Variants in PPEF1 observed in about 807,000 individuals in gnomAD.
PPEF1 encodes serine/threonine-protein phosphatase with EF-hands 1.
In PPEF1, 12 loss-of-function variants were observed where a neutral mutation model predicts 53.3. The observed-to-expected ratio is 0.23, with a 90% CI of 0.14 to 0.36. The LOEUF is 0.36. PPEF1 is among the 10% of genes least tolerant of loss of function. PPEF1 has a pLI of 1.00. For missense variants in PPEF1, 334 were observed against 490.4 expected (o/e 0.68, Z 3.01); for synonymous variants, 165 against 176.7 (o/e 0.93, Z 0.52).
intron 4 of PPEF1, among the ~76,000 whole-genome samples, chrX:18,750,677 C>T (rs1239906859): frequency 9.0e-6 from 1 of 111,490 alleles, no homozygotes; most frequent in Admixed American, 9.6e-5. Flanking sequence ...AAGAATATTT[C>T]ACTGGGTCAT....
At chrX:18,687,089 G>A (rs144689313) in intron 3 of PPEF1, among the ~76,000 whole-genome samples, 1 of 111,449 alleles carries the variant, frequency 9.0e-6, no homozygotes, top group Admixed American at 9.6e-5. Context: ...GGACAAAAGA[G>A]AAGAGGCTTA....
At chrX:18,685,642 G>A (rs1290934407) in intron 2 of PPEF1, among the ~76,000 whole-genome samples, 1 of 94,274 alleles carries the variant, frequency 1.1e-5, no homozygotes, top group East Asian at 3.2e-4. Context: ...CCGAGATCTC[G>A]CCACTGCACT....
At chrX:18,719,200 A>C (rs1371572066) in intron 1 of PPEF1, among the ~76,000 whole-genome samples, 4 of 111,797 alleles carry the variant, frequency 3.6e-5, no homozygotes, top group African/African-American at 1.3e-4. Context: ...AAAACATAAT[A>C]TGGTAGGAAG....
intron 8 of PPEF1, 100 bp downstream of exon 8, chrX:18,782,502 G>A (rs1719667865): frequency 1.5e-6 from 1 of 648,808 alleles, no homozygotes; most frequent in South Asian, 3.0e-5. Flanking sequence ...CTTTAGGAAA[G>A]GTAATAGGCC....
upstream of PPEF1, among the ~76,000 whole-genome samples, chrX:18,679,153 A>G (rs1928784288): frequency 8.9e-6 from 1 of 112,217 alleles, no homozygotes; most frequent in Admixed American, 9.4e-5. Flanking sequence ...AGCTCACTGC[A>G]ACCTCCACCT....
chrX:18,777,316 T>C (rs955286971), intron 6 of PPEF1, among the ~76,000 whole-genome samples: 8 of 112,456 alleles, frequency 7.1e-5, no homozygotes, highest in African/African-American at 2.3e-4. Flanking sequence ...TTTTCAATTA[T>C]TTCTATTATA....
rs186071789 is a variant in PPEF1 at position 18,677,265 on chromosome X, C to A, written c.-587+1135C>A. Among the ~76,000 whole-genome samples, 442 of 111,836 alleles carry A rather than the reference C, an allele frequency of 4.0e-3. 1 individual carries two copies. The highest frequency in any genetic ancestry group is 6.9e-3 in the Non-Finnish European group (365 of 53,163). Reference sequence around the variant, plus strand: ...TGTTGGCCAGGTTGATCTCAAACTCCTGGCCTCAAGTGATCCGCCCACCTC... The same window carrying A: ...TGTTGGCCAGGTTGATCTCAAACTCATGGCCTCAAGTGATCCGCCCACCTC... On this transcript the variant is annotated intron_variant, in intron 1 of 20. Transcript: ENST00000689646.
At chrX:18,820,318 C>T (rs182730275) in intron 13 of PPEF1, among the ~76,000 whole-genome samples, 62 of 110,405 alleles carry the variant, frequency 5.6e-4, no homozygotes, top group Non-Finnish European at 9.1e-4. Context: ...AAATCTACCA[C>T]GATAGAGGGA....
intron 6 of PPEF1, among the ~76,000 whole-genome samples, chrX:18,777,028 T>G (rs2045980700): frequency 8.9e-6 from 1 of 112,891 alleles, no homozygotes; most frequent in Non-Finnish European, 1.9e-5. Flanking sequence ...TGCAATTTTA[T>G]ATACATGGTC....
chrX:18,740,166 C>T (rs1002385633), intron 3 of PPEF1, among the ~76,000 whole-genome samples: 5 of 112,144 alleles, frequency 4.5e-5, no homozygotes, highest in East Asian at 2.8e-4. Context: ...GAGATGAACC[C>T]GGTGCCTCAG....
At chrX:18,754,002 G>A (rs993633339) in intron 4 of PPEF1, among the ~76,000 whole-genome samples, 1 of 106,101 alleles carries the variant, frequency 9.4e-6, no homozygotes, top group Admixed American at 1.0e-4. Flanking sequence ...CCTTTAGCTT[G>A]TGTTAAGTTA....
chrX:18,719,939 A>G (rs2044544261), intron 1 of PPEF1, among the ~76,000 whole-genome samples: 1 of 112,093 alleles, frequency 8.9e-6, no homozygotes, highest in Non-Finnish European at 1.9e-5. Context: ...CTTCTACAGT[A>G]GAGAAGTTCA....
At chrX:18,754,623 G>A (rs1481751973) in intron 4 of PPEF1, among the ~76,000 whole-genome samples, 1 of 111,213 alleles carries the variant, frequency 9.0e-6, no homozygotes, top group East Asian at 2.8e-4. Flanking sequence ...TTAAAGGCAG[G>A]GTCACACTCT....
chrX:18,726,892 C>T (rs764165587), intron 1 of PPEF1, among the ~76,000 whole-genome samples: 4 of 111,740 alleles, frequency 3.6e-5, no homozygotes, highest in Non-Finnish European at 5.6e-5. Flanking sequence ...AAACTCCTGA[C>T]CTCAAGTGTT....
intron 3 of PPEF1, among the ~76,000 whole-genome samples, chrX:18,743,645 C>T (rs780104979): frequency 1.9e-3 from 205 of 108,072 alleles, no homozygotes; most frequent in African/African-American, 6.6e-3. Flanking sequence ...AAATGGGTTT[C>T]GCCACATTGG....
chrX:18,683,807 G>A (rs958684792), intron 1 of PPEF1, among the ~76,000 whole-genome samples: 4 of 111,890 alleles, frequency 3.6e-5, no homozygotes, highest in African/African-American at 9.7e-5. Context: ...ACTTTCTGTC[G>A]TGATTACTAT....
chrX:18,785,042 C>A (rs1238068448), intron 9 of PPEF1, among the ~76,000 whole-genome samples: 1 of 111,762 alleles, frequency 8.9e-6, no homozygotes, highest in African/African-American at 3.3e-5. Flanking sequence ...CAACTTCCAA[C>A]CAACCTGGAC....
rs2044455461 is a variant in PPEF1, at chrX:18,716,404, C to T, written c.46+8578C>T. Among the ~76,000 whole-genome samples the T allele has an allele frequency of 2.8e-5, 3 of 108,198 alleles. No individual in the cohort carries two copies. The South Asian group carries it at 1.2e-3, about 45-fold the overall frequency. The allele number at this position is 108,198 out of a possible 115,157, so 94.0% of individuals were successfully genotyped here. On this transcript the variant is annotated intron_variant, in intron 1 of 15. Coordinates refer to ENST00000470157, the MANE Select transcript of PPEF1 (RefSeq NM_001377996.1). ...AAAATTAGCAGGGCGTGGTGGCGGG[C>T]GCCTGTAGTCCCAGCTCCTCGGGAG...
At chrX:18,738,451 C>T (rs1376293727) in intron 3 of PPEF1, among the ~76,000 whole-genome samples, 1 of 111,914 alleles carries the variant, frequency 8.9e-6, no homozygotes, top group Non-Finnish European at 1.9e-5. Context: ...TGAATATTGG[C>T]TCCCACCCTC....
Sources: allele counts gnomAD v4.1 joint callset (sites outside exome capture counted in the v4.1 genomes callset), GRCh38; gene constraint gnomAD v4.1.1; transcripts MANE v1.5; gene names NCBI Gene and HGNC (gene_info 2026-07-23, HGNC 2026-07-21).